DOCK8: variants seen among roughly 807,000 people sequenced by gnomAD.
DOCK8 encodes dedicator of cytokinesis 8, also known as dedicator of cytokinesis protein 8.
In DOCK8, 141 loss-of-function variants were observed where a neutral mutation model predicts 245.6. The ratio of observed to expected loss-of-function variants is 0.57; its 90% CI spans 0.50 to 0.66. The LOEUF (loss-of-function observed/expected upper bound fraction) is 0.66. DOCK8 is among the 30% of genes least tolerant of loss of function. DOCK8 has a pLI of 0.00. For synonymous variants in DOCK8, 1,168 were observed against 970.2 expected (o/e 1.20, Z -3.79); for missense variants, 2,965 against 2,603.4 (o/e 1.14, Z -3.02).
chr9:437,379 C>T (rs1329565240), intron 39 of DOCK8, among the ~76,000 whole-genome samples: 2 of 152,208 alleles, frequency 1.3e-5, no homozygotes, highest in Non-Finnish European at 2.9e-5. Flanking sequence ...TGCCTCCTTT[C>T]TAGCAGTTGC....
chr9:333,507 A>G (rs891438545), intron 10 of DOCK8, among the ~76,000 whole-genome samples: 1 of 152,158 alleles, frequency 6.6e-6, no homozygotes, highest in Non-Finnish European at 1.5e-5. Flanking sequence ...AGGCTGAGGC[A>G]GGAGAATAGC....
rs751419081 is a variant in DOCK8 at position 311,978 on chromosome 9, C to T, written c.553C>T (p.Leu185=). ...AQAGPRHLNV[L]CDVSGKGPVT... is the part of the protein sequence containing the mutation. ...GGCAGGCCCCCGCCACTTAAACGTG[C>T]TGTGCGACGTGTCTGGGAAAGGCCC... The change falls in exon 6 of 48, where the codon CTG becomes TTG. Residue 185 remains leucine (L), a synonymous_variant. Transcript: ENST00000432829. The T allele has an allele frequency of 6.2e-7, 1 of 1,614,042 alleles. No individual in the cohort carries two copies. The highest frequency in any genetic ancestry group is 8.5e-7 in the Non-Finnish European group (1 of 1,180,048).
chr9:395,030 A>G (rs10973867), intron 24 of DOCK8, among the ~76,000 whole-genome samples: 4,121 of 152,326 alleles, frequency 0.027, 113 homozygotes, highest in African/African-American at 0.071. Context: ...CAGGATTGGC[A>G]TTGCCCAAAA....
intron 7 of DOCK8, among the ~76,000 whole-genome samples, chr9:324,519 T>C (rs1351083470): frequency 1.3e-5 from 2 of 152,074 alleles, no homozygotes; most frequent in Non-Finnish European, 2.9e-5. Flanking sequence ...TGCACCAGGA[T>C]TATGCTTTGG....
At chr9:285,422 T>C (rs913219565) in intron 2 of DOCK8, among the ~76,000 whole-genome samples, 4 of 152,194 alleles carry the variant, frequency 2.6e-5, no homozygotes, top group African/African-American at 9.7e-5. Flanking sequence ...ATTTGTTTTG[T>C]TGGTCCACTG....
rs2050842293 is a variant in DOCK8, at chr9:328,026, C to T, written c.899C>T (p.Ser300Leu). 14 of 1,613,972 alleles carry T rather than the reference C, an allele frequency of 8.7e-6. No homozygotes were observed. The highest frequency in any genetic ancestry group is 1.3e-5 in the African/African-American group (1 of 74,934). The change falls in exon 9 of 48, where the codon TCA becomes TTA. Residue 300 changes from serine to leucine, a missense_variant. By Grantham distance (145) the Ser-to-Leu change is moderately radical. Around this residue, in one of 3 missense-constraint regions of DOCK8, gnomAD observed 2,825 missense variants for 2,453.5 expected, o/e 1.15. Transcript: ENST00000432829. The part of the protein sequence containing the change: ...LYDVKERKKI[S>L]ENFHCDLNSD... ...CACTTTGCTGCTCATTTACAGATCT[C>T]AGAAAATTTTCACTGTGACCTGAAC...
intron 45 of DOCK8, among the ~76,000 whole-genome samples, chr9:450,745 GT>G (rs2057402364): frequency 6.6e-6 from 1 of 151,652 alleles, no homozygotes; most frequent in African/African-American, 2.4e-5. Flanking sequence ...ATGAGGAAAC[GT>G]TTGCCTTTGT....
At position 406,962 on chromosome 9, in the gene DOCK8, G is replaced by A. The variant is rs775919190; in HGVS notation, c.3423G>A (p.Gln1141=). 6.2e-7 allele frequency: 1 copy of A among 1,614,138 alleles called. No homozygotes were observed. Among genetic ancestry groups the A allele is most frequent in the Non-Finnish European group, 8.5e-7 (1 of 1,180,008 alleles). ...NSSSCSSFQD[Q]KIASMFDLTS... ...GCTCCTGCTCCAGCTTCCAGGACCA[G>A]AAGATCGCCAGCATGTTCGATCTGA... Residue 1141 remains glutamine (Q), a synonymous_variant, in exon 28 of 48, where the codon CAG becomes CAA. Coordinates refer to ENST00000432829, the MANE Select transcript of DOCK8 (RefSeq NM_203447.4).
At chr9:281,828 C>T (rs535691603) in intron 2 of DOCK8, among the ~76,000 whole-genome samples, 1 of 152,320 alleles carries the variant, frequency 6.6e-6, no homozygotes, top group African/African-American at 2.4e-5. Flanking sequence ...TTGCCAAGGG[C>T]AAGACTAGTT....
chr9:310,692 C>T (rs1375947727), intron 5 of DOCK8, among the ~76,000 whole-genome samples: 1 of 152,136 alleles, frequency 6.6e-6, no homozygotes, highest in Admixed American at 6.5e-5. Context: ...AACTCCTGAC[C>T]TCAGGTGATC....
chr9:333,330 G>A (rs1036504217), intron 10 of DOCK8, among the ~76,000 whole-genome samples: 17 of 152,222 alleles, frequency 1.1e-4, no homozygotes, highest in East Asian at 1.9e-4. Flanking sequence ...GGCCGGGCGT[G>A]GTGGCTCACA....
intron 14 of DOCK8, among the ~76,000 whole-genome samples, chr9:343,859 T>C (rs7042540): frequency 0.33 from 50,445 of 151,986 alleles, 8,554 homozygotes; most frequent in Middle Eastern, 0.41. Flanking sequence ...TCTGTAGTTA[T>C]TCAACTTCCC....
intron 6 of DOCK8, among the ~76,000 whole-genome samples, chr9:313,428 G>T (rs887484824): frequency 6.6e-6 from 1 of 152,144 alleles, no homozygotes; most frequent in African/African-American, 2.4e-5. Context: ...TTCTTATCCT[G>T]ATTTTCTAAG....
intron 27 of DOCK8, 85 bp downstream of exon 27, chr9:405,158 G>A: frequency 7.2e-7 from 1 of 1,383,318 alleles, no homozygotes; most frequent in Non-Finnish European, 1.0e-6. Context: ...TCCTATAAAG[G>A]TTAGTCTTAT....
rs374343164 is a variant in DOCK8 at position 368,027 on chromosome 9, C to G, written c.1689C>G (p.Leu563=). 29 of 1,613,376 alleles carry G rather than the reference C, an allele frequency of 1.8e-5. No homozygotes were observed. The African/African-American group carries it at 3.3e-4, about 19-fold the overall frequency. ...ATCTCTTCTTTTCCAGAAACCTTCT[C>G]TATGTCTACCCACAGAGGCTGAACT... ...YVPHTVYRNL[L]YVYPQRLNFV... The change falls in exon 15 of 48, where the codon CTC becomes CTG. Residue 563 remains leucine, a synonymous_variant. Coordinates refer to ENST00000432829, the MANE Select transcript of DOCK8 (RefSeq NM_203447.4).
chr9:414,704 A>G (rs2055903389), intron 28 of DOCK8, 78 bp from the exon 29 acceptor site: 3 of 1,582,872 alleles, frequency 1.9e-6, no homozygotes, highest in Non-Finnish European at 2.6e-6. Context: ...GAGCGTTTTC[A>G]TCACTCTTGA....
chr9:355,613 A>T (rs2052400374), intron 14 of DOCK8, among the ~76,000 whole-genome samples: 1 of 151,994 alleles, frequency 6.6e-6, no homozygotes, highest in Non-Finnish European at 1.5e-5. Context: ...ACTAAACCAC[A>T]CTCCAAAGAA....
intron 34 of DOCK8, 109 bp downstream of exon 34, chr9:427,090 C>G (rs2056531890): frequency 2.2e-6 from 2 of 925,196 alleles, no homozygotes; most frequent in East Asian, 5.2e-5. Context: ...CCCATAGTAC[C>G]TTTTTTAAAA....
chr9:346,820 A>AGGAATGT (rs1203731461), intron 14 of DOCK8, among the ~76,000 whole-genome samples: 1 of 152,170 alleles, frequency 6.6e-6, no homozygotes, highest in African/African-American at 2.4e-5. Context: ...CCTGACCGGA[A>AGGAATGT]GGAATGTCTG....
Sources: allele counts gnomAD v4.1 joint callset (sites outside exome capture counted in the v4.1 genomes callset), GRCh38; gene constraint gnomAD v4.1.1; regional missense constraint gnomAD v4.1.1; transcripts MANE v1.5; gene names NCBI Gene and HGNC (gene_info 2026-07-23, HGNC 2026-07-21).